Variants in NVL observed in about 807,000 individuals in gnomAD.
NVL encodes nuclear VCP like.
NVL carries 84 observed loss-of-function variants against 110.2 expected under a neutral mutation model. That is an observed-to-expected ratio of 0.76 (90% CI 0.64 to 0.91). The LOEUF is 0.91. Ranked by LOEUF, NVL falls within the 40% of genes least tolerant of loss-of-function variation. The probability of loss-of-function intolerance (pLI) is 0.00; values close to 1 mark genes in which losing one functional copy is unlikely to be tolerated. For synonymous variants in NVL, 354 were observed against 361.1 expected, an observed-to-expected ratio of 0.98 and a Z score of 0.22; for missense variants, 882 against 1,035.9, an observed-to-expected ratio of 0.85 and a Z score of 2.04.
chr1:224,317,672 A>C, intron 4 of NVL, 22 bp downstream of exon 4: 1 of 1,384,518 alleles, frequency 7.2e-7, no homozygotes, highest in Non-Finnish European at 1.0e-6. Flanking sequence ...GTTTAAAAAA[A>C]CCCTGCATTT....
At chr1:224,303,391 C>T (rs1029542018) in intron 9 of NVL, among the ~76,000 whole-genome samples, 4 of 150,980 alleles carry the variant, frequency 2.6e-5, no homozygotes, top group South Asian at 2.1e-4. Flanking sequence ...GCCAAGATCA[C>T]GACACTGCAT....
chr1:224,325,718 AG>A (rs1671084670), intron 2 of NVL, among the ~76,000 whole-genome samples: 1 of 152,170 alleles, frequency 6.6e-6, no homozygotes, highest in Non-Finnish European at 1.5e-5. Flanking sequence ...GGGCAACAAG[AG>A]CGAAATTCTG....
intron 2 of NVL, among the ~76,000 whole-genome samples, chr1:224,318,663 A>G (rs184348701): frequency 1.8e-3 from 271 of 151,676 alleles, no homozygotes; most frequent in African/African-American, 6.2e-3. Flanking sequence ...TTCGTCTCAA[A>G]AATTCTCAGC....
intron 12 of NVL, among the ~76,000 whole-genome samples, chr1:224,292,623 T>C (rs956451564): frequency 6.6e-6 from 1 of 152,152 alleles, no homozygotes; most frequent in Admixed American, 6.5e-5. Context: ...ATCTAGCCCC[T>C]ATCTGAGATC....
At chr1:224,238,610 G>T (rs973145428) in intron 19 of NVL, among the ~76,000 whole-genome samples, 1 of 152,176 alleles carries the variant, frequency 6.6e-6, no homozygotes, top group African/African-American at 2.4e-5. Context: ...ATTTTGACCT[G>T]GGACACAAAC....
intron 13 of NVL, among the ~76,000 whole-genome samples, chr1:224,288,571 G>A (rs550641272): frequency 6.6e-6 from 1 of 152,124 alleles, no homozygotes; most frequent in Admixed American, 6.5e-5. Flanking sequence ...ATTATAAAAG[G>A]AATGAGTTTG....
intron 19 of NVL, among the ~76,000 whole-genome samples, chr1:224,243,798 A>AT (rs1421183260): frequency 2.0e-5 from 3 of 150,950 alleles, no homozygotes; most frequent in Non-Finnish European, 4.4e-5. Context: ...AGTAGCTGGG[A>AT]TTACAGGCAC....
chr1:224,310,125 TCGGTGATCACAC>T (rs150728015), intron 5 of NVL, among the ~76,000 whole-genome samples: 5,986 of 144,202 alleles, frequency 0.042, 160 homozygotes, highest in East Asian at 0.098. Flanking sequence ...CACTCCAGCC[TCGGTGATCACAC>T]CACTGCACTT....
Position 224,252,489 on chromosome 1 carries a change from A to G in NVL, c.2183-2171T>C, listed in dbSNP as rs570696406. 9.8e-5 allele frequency among the ~76,000 whole-genome samples: 15 copies of G among 152,294 alleles called. 1 individual carries two copies. In the South Asian group the frequency reaches 3.1e-3, roughly 32 times the overall value. On this transcript the variant is annotated intron_variant, in intron 18 of 22. Coordinates refer to ENST00000281701, the MANE Select transcript of NVL (RefSeq NM_002533.4). ...ATTCACGTTTCTAATAAACCTACTA[A>G]GACTTAACCAATGAGTTACTCCTCT...
At chr1:224,281,292 T>A (rs1419847921) in intron 15 of NVL, 107 bp from the exon 16 acceptor site, 25 of 749,112 alleles carry the variant, frequency 3.3e-5, no homozygotes, top group Non-Finnish European at 5.0e-5. Flanking sequence ...TGCGTGTGTG[T>A]GTGTGTGTGT....
chr1:224,308,518 C>A (rs1669163719), intron 5 of NVL, among the ~76,000 whole-genome samples: 1 of 151,114 alleles, frequency 6.6e-6, no homozygotes, highest in South Asian at 2.1e-4. Flanking sequence ...TGGTGTAACA[C>A]CGTCTCTAGT....
At chr1:224,318,865 T>G (rs1313647933) in intron 2 of NVL, among the ~76,000 whole-genome samples, 2 of 151,170 alleles carry the variant, frequency 1.3e-5, no homozygotes, top group Non-Finnish European at 2.9e-5. Context: ...GGTGGGCGCC[T>G]GTAGTCCCAG....
chr1:224,293,234 T>C (rs555319988), intron 12 of NVL, among the ~76,000 whole-genome samples: 1 of 151,956 alleles, frequency 6.6e-6, no homozygotes, highest in Non-Finnish European at 1.5e-5. Context: ...CATGCCTGGC[T>C]AATTTTTTGT....
chr1:224,322,574 G>A (rs991462472), intron 2 of NVL, among the ~76,000 whole-genome samples: 1 of 152,130 alleles, frequency 6.6e-6, no homozygotes, highest in Non-Finnish European at 1.5e-5. Flanking sequence ...ATGTAGAAAT[G>A]GTTTCAGAAC....
intron 17 of NVL, among the ~76,000 whole-genome samples, chr1:224,273,281 CA>C (rs1665383220): frequency 6.6e-6 from 1 of 151,806 alleles, no homozygotes; most frequent in Non-Finnish European, 1.5e-5. Context: ...GGCATGGTAG[CA>C]GGCGCCTGTA....
intron 2 of NVL, among the ~76,000 whole-genome samples, chr1:224,319,323 T>G (rs938893261): frequency 1.4e-4 from 21 of 151,982 alleles, no homozygotes; most frequent in Non-Finnish European, 2.4e-4. Flanking sequence ...TTTTTGTTTT[T>G]TTGAAACGGA....
chr1:224,260,252 C>T (rs1237672393), intron 18 of NVL, among the ~76,000 whole-genome samples: 1 of 152,130 alleles, frequency 6.6e-6, no homozygotes, highest in Non-Finnish European at 1.5e-5. Flanking sequence ...GTGAGTCATC[C>T]ACTCTTTCAT....
At chr1:224,300,813 C>A in intron 9 of NVL, 150 bp from the exon 10 acceptor site, 1 of 616,754 alleles carries the variant, frequency 1.6e-6, no homozygotes, top group Non-Finnish European at 2.8e-6. Flanking sequence ...ATTTGAAAAT[C>A]AATGGTTTTG....
In NVL at chr1:224,230,429, C is replaced by T. The variant is rs563661538; in HGVS notation, c.2526+797G>A. Reference sequence around the variant, plus strand: ...ACCAGCCTCACCAATATGGTGAAACCCTGTCTCTACTAAAAATACAAAAAA... The same window carrying T: ...ACCAGCCTCACCAATATGGTGAAACTCTGTCTCTACTAAAAATACAAAAAA... On this transcript the variant is annotated intron_variant, in intron 22 of 22. Coordinates refer to ENST00000281701, the MANE Select transcript of NVL (RefSeq NM_002533.4). Among the ~76,000 whole-genome samples, 8 of 152,020 alleles carry T rather than the reference C, an allele frequency of 5.3e-5. No homozygotes were observed. In the East Asian group the frequency reaches 1.6e-3, roughly 30 times the overall value.
Sources: allele counts gnomAD v4.1 joint callset (sites outside exome capture counted in the v4.1 genomes callset), GRCh38; gene constraint gnomAD v4.1.1; transcripts MANE v1.5; gene names NCBI Gene and HGNC (gene_info 2026-07-23, HGNC 2026-07-21).